CDC25B: variants seen among roughly 807,000 people sequenced by gnomAD.
The protein encoded by CDC25B is M-phase inducer phosphatase 2.
Under a neutral mutation model 69.8 loss-of-function variants are expected in CDC25B, and 33 were observed. That is an observed-to-expected ratio of 0.47 (90% confidence interval 0.36 to 0.63). The LOEUF (loss-of-function observed/expected upper bound fraction) is 0.63. Among genes scored for constraint, CDC25B ranks in the 30% least tolerant of loss-of-function variants. The pLI, the probability that CDC25B is intolerant of heterozygous loss-of-function variation, is 0.00. For synonymous variants in CDC25B, 341 were observed against 314.6 expected, an observed-to-expected ratio of 1.08 and a Z score of -0.89; for missense variants, 727 against 809.1, an observed-to-expected ratio of 0.90 and a Z score of 1.23.
rs1568508083 is a variant in CDC25B, at chr20:3,800,837, C to T, written c.554C>T (p.Ala185Val). 6.2e-7 allele frequency: 1 copy of T among 1,613,724 alleles called. No homozygotes were observed. Among genetic ancestry groups the T allele is most frequent in the East Asian group, 2.2e-5 (1 of 44,882 alleles). ...RRKSEAGSGA[A>V]SSSGEDKEND... Reference sequence around the variant, plus strand: ...AAGAGCGAGGCGGGCAGTGGAGCTGCCAGCAGCTCTGGGGAAGACAAGGAG... The same window carrying T: ...AAGAGCGAGGCGGGCAGTGGAGCTGTCAGCAGCTCTGGGGAAGACAAGGAG... The change falls in exon 6 of 16, where the codon GCC (alanine) becomes GTC (valine). Residue 185 changes from alanine (A) to valine (V), a missense_variant. By Grantham distance (64) the Ala-to-Val change is moderately conservative. Around this residue, in one of 2 missense-constraint regions of CDC25B, gnomAD observed 368 missense variants for 345.6 expected, o/e 1.06. Coordinates refer to ENST00000245960, the MANE Select transcript of CDC25B (RefSeq NM_021873.4).
At chr20:3,788,380 T>C (rs1490715325) in intron 1 of CDC25B, among the ~76,000 whole-genome samples, 1 of 152,240 alleles carries the variant, frequency 6.6e-6, no homozygotes, top group Non-Finnish European at 1.5e-5. Context: ...AGGAGCTCTT[T>C]ACATGCTCTG....
At position 3,803,828 on chromosome 20, in the gene CDC25B, C is replaced by T. The variant is rs542427791; in HGVS notation, c.1490+291C>T. 2.6e-5 allele frequency among the ~76,000 whole-genome samples: 4 copies of T among 152,284 alleles called. No homozygotes were observed. In the East Asian group the frequency reaches 5.8e-4, roughly 22 times the overall value. ...GTGTCTTTTCTCGAAATCTAAGGGC[C>T]GCGTGTCAGTCCCCAGTACACGGAC... On this transcript the variant is annotated intron_variant, in intron 14 of 15. Coordinates refer to ENST00000245960, the MANE Select transcript of CDC25B (RefSeq NM_021873.4). This position sits in a 1 kb window ranked among gnomAD's most constrained non-coding sequence, Gnocchi z 4.9.
Position 3,804,566 on chromosome 20 carries a change from C to G in CDC25B, c.1491-3C>G. ...TGACCACACCCTGCCCATGACGCCC[C>G]AGGTGCCGTTTCATCAGGGAACGAG... is the stretch of plus-strand genomic sequence containing the variant. On this transcript the variant is annotated splice_region_variant and splice_polypyrimidine_tract_variant and intron_variant, in intron 14 of 15. Coordinates refer to ENST00000245960, the MANE Select transcript of CDC25B (RefSeq NM_021873.4). 1.2e-6 allele frequency: 2 copies of G among 1,606,548 alleles called. No homozygotes were observed. Among genetic ancestry groups the G allele is most frequent in the Non-Finnish European group, 1.7e-6 (2 of 1,173,160 alleles).
upstream of CDC25B, among the ~76,000 whole-genome samples, chr20:3,793,017 C>T (rs192523231): frequency 7.1e-4 from 108 of 152,264 alleles, no homozygotes; most frequent in Admixed American, 1.6e-3. Context: ...AGTTTGAAGA[C>T]TTGATATCCA....
intron 2 of CDC25B, 33 bp from the exon 3 acceptor site, chr20:3,798,379 C>A: frequency 2.5e-6 from 3 of 1,216,634 alleles, no homozygotes; most frequent in Non-Finnish European, 2.2e-6. Context: ...GAAAGTGCCA[C>A]TACTTTCAAA....
At chr20:3,792,678 G>A (rs555678739), upstream of CDC25B, among the ~76,000 whole-genome samples, 3 of 152,256 alleles carry the variant, frequency 2.0e-5, no homozygotes, top group Admixed American at 2.0e-4. Context: ...ATGTCGGCCA[G>A]GCTGGTCTCA....
At chr20:3,796,760 G>A (rs1341576287) in intron 1 of CDC25B, 29 bp downstream of exon 1, 13 of 1,540,346 alleles carry the variant, frequency 8.4e-6, no homozygotes, top group Non-Finnish European at 1.1e-5. Flanking sequence ...GCTGCATATG[G>A]GGGTGAGAGG....
In CDC25B at chr20:3,796,505, AGCCAGCCTTCT is replaced by A; in HGVS notation, c.-23_-13del. ...TTGGCTGCCCTGCGCCCGGCCCTCC[AGCCAGCCTTCT>A]GCCGGCCCCGCCGCGATGGAGGTGC... On this transcript the variant is annotated 5_prime_UTR_variant, in exon 1 of 16. Transcript: ENST00000245960. 1 of 1,445,558 alleles carries A rather than the reference AGCCAGCCTTCT, an allele frequency of 6.9e-7. No homozygotes were observed. Among genetic ancestry groups the A allele is most frequent in the Non-Finnish European group, 9.1e-7 (1 of 1,103,746 alleles). 89.5% of individuals were successfully genotyped at this position (1,445,558 alleles called of 1,614,324 possible). A position where few individuals can be genotyped will look rare whatever the true frequency, so the allele number is the denominator to read the frequency against.
In CDC25B at chr20:3,802,894, C is replaced by G. The variant is rs564791082; in HGVS notation, c.1195-16C>G. ...TAACTTTCTCCCCTCTCCCTCATCC[C>G]TTCCGTTCCCTTCAGGCCTTCCTCC... On this transcript the variant is annotated splice_polypyrimidine_tract_variant and intron_variant, in intron 11 of 15. Transcript: ENST00000245960. 1.2e-5 allele frequency: 19 copies of G among 1,609,282 alleles called. No individual in the cohort carries two copies. The South Asian group carries it at 2.0e-4, about 17-fold the overall frequency.
Position 3,801,269 on chromosome 20 carries a change from C to G in CDC25B, c.721C>G (p.Arg241Gly), listed in dbSNP as rs202222511. 1 of 1,613,926 alleles carries G rather than the reference C, an allele frequency of 6.2e-7. No individual in the cohort carries two copies. The highest frequency in any genetic ancestry group is 8.5e-7 in the Non-Finnish European group (1 of 1,179,956). ...ATGTGGACAGTGTCTCAGTCCTGAC[C>G]GGAAGATGGAAGTGGAGGAGCTCAG... ...APDLMCLSPD[R>G]KMEVEELSPL... The change falls in exon 8 of 16, where the codon CGG becomes GGG. Residue 241 changes from arginine (R) to glycine (G), a missense_variant. By Grantham distance (125) the Arg-to-Gly change is moderately radical. This residue lies in a region of CDC25B where 368 missense variants were observed against 345.6 expected (regional missense o/e 1.06). Coordinates refer to ENST00000245960, the MANE Select transcript of CDC25B (RefSeq NM_021873.4).
upstream of CDC25B, among the ~76,000 whole-genome samples, chr20:3,792,259 G>A (rs950458058): frequency 6.6e-6 from 1 of 151,172 alleles, no homozygotes; most frequent in Non-Finnish European, 1.5e-5. Flanking sequence ...AAATACAGAC[G>A]GATTTACGCT....
intron 9 of CDC25B, 22 bp from the exon 10 acceptor site, chr20:3,801,902 C>G: frequency 6.3e-7 from 1 of 1,599,186 alleles, no homozygotes; most frequent in Non-Finnish European, 8.5e-7. Flanking sequence ...CACCCTGATC[C>G]CTAACCTGCT....
Position 3,805,849 on chromosome 20 carries a change from T to G in CDC25B, c.*888T>G, listed in dbSNP as rs2089458571. 1 of 405,108 alleles carries G rather than the reference T, an allele frequency of 2.5e-6. No homozygotes were observed. Among genetic ancestry groups the G allele is most frequent in the South Asian group, 1.0e-4 (1 of 9,616 alleles). The allele number at this position is 405,108 out of a possible 1,614,324, so 25.1% of individuals were successfully genotyped here. ...GCCGTGGATGGCCGTGGATGCGCAG[T>G]GCCTTGCATACCCAAACCAGGTGGG... On this transcript the variant is annotated 3_prime_UTR_variant, in exon 16 of 16. Coordinates refer to ENST00000245960, the MANE Select transcript of CDC25B (RefSeq NM_021873.4).
chr20:3,803,658 T>G lies in CDC25B; in HGVS notation c.1490+121T>G. 1 of 1,281,606 alleles carries G rather than the reference T, an allele frequency of 7.8e-7. No individual in the cohort carries two copies. The highest frequency in any genetic ancestry group is 1.1e-6 in the Non-Finnish European group (1 of 914,830). The allele number at this position is 1,281,606 out of a possible 1,614,324, so 79.4% of individuals were successfully genotyped here. On this transcript the variant is annotated intron_variant, in intron 14 of 15. Transcript: ENST00000245960. The surrounding 1 kb of genome is among the most constrained non-coding windows in gnomAD (Gnocchi z 4.9). ...AGTCCAGGTCCTCCTCTGTCCCATC[T>G]GATGGCCTAGAGCTGACCTCAGCCC...
At chr20:3,792,748 GAGCC>G (rs1273276877), upstream of CDC25B, among the ~76,000 whole-genome samples, 3 of 152,218 alleles carry the variant, frequency 2.0e-5, no homozygotes, top group Admixed American at 6.5e-5. Context: ...TTACAGGTGT[GAGCC>G]ACCGTGCCCA....
chr20:3,788,248 A>G (rs748467175), intron 1 of CDC25B, among the ~76,000 whole-genome samples: 3 of 152,258 alleles, frequency 2.0e-5, no homozygotes, highest in Non-Finnish European at 4.4e-5. Flanking sequence ...CCAAAGGAAG[A>G]AAGTGTAACT....
At chr20:3,789,822 T>C (rs2088883528) in intron 1 of CDC25B, among the ~76,000 whole-genome samples, 1 of 152,120 alleles carries the variant, frequency 6.6e-6, no homozygotes, top group Admixed American at 6.6e-5. Flanking sequence ...ACCCCGTCTC[T>C]ATTAAAAATA....
At chr20:3,797,770 G>C in intron 2 of CDC25B, 21 bp downstream of exon 2, 8 of 1,612,992 alleles carry the variant, frequency 5.0e-6, no homozygotes, top group Non-Finnish European at 6.8e-6. Flanking sequence ...GGGGAGCCTG[G>C]GGAGATCTGC....
chr20:3,787,073 T>C, exon 1 of CDC25B: 1 of 607,846 alleles, frequency 1.6e-6, no homozygotes, highest in East Asian at 3.0e-5. Flanking sequence ...GCACTTTTTT[T>C]TTTGCGGAAC....
Sources: gnomAD v4.1 joint callset for allele counts (sites outside exome capture counted in the v4.1 genomes callset) on GRCh38, gnomAD v4.1.1 for gene constraint, gnomAD v4.1.1 regional missense constraint, Gnocchi (gnomAD v3.1) non-coding constraint, MANE v1.5 for transcripts, NCBI Gene and HGNC (gene_info 2026-07-23, HGNC 2026-07-21) for gene names.